PLXDC2: variants seen among roughly 807,000 people sequenced by gnomAD.
PLXDC2 encodes plexin domain containing 2.
A neutral mutation model predicts 68.9 loss-of-function variants in PLXDC2; 40 were observed. The ratio of observed to expected loss-of-function variants is 0.58; its 90% confidence interval spans 0.45 to 0.76. The LOEUF (loss-of-function observed/expected upper bound fraction) is 0.76. PLXDC2 is among the 30% of genes least tolerant of loss of function. The pLI, the probability that PLXDC2 is intolerant of heterozygous loss-of-function variation, is 0.00. For synonymous variants in PLXDC2, 243 were observed against 234.2 expected (o/e 1.04, Z -0.34); for missense variants, 644 against 661.9 (o/e 0.97, Z 0.30).
At chr10:19,869,467 A>AG (rs1837490099) in intron 1 of PLXDC2, among the ~76,000 whole-genome samples, 3 of 26,482 alleles carry the variant, frequency 1.1e-4, no homozygotes, top group African/African-American at 5.6e-4. Flanking sequence ...GAGAGAGAGA[A>AG]AGGGGGGGGG....
At chr10:19,948,393 T>TC (rs201212426) in intron 1 of PLXDC2, among the ~76,000 whole-genome samples, 27,434 of 70,532 alleles carry the variant, frequency 0.39, 3,177 homozygotes, top group South Asian at 0.5. Context: ...TTTCTTTCTT[T>TC]TTTTTTTTTT....
At position 20,254,609 on chromosome 10, in the gene PLXDC2, A is replaced by G. The variant is rs185906672; in HGVS notation, c.1473+9104A>G. On this transcript the variant is annotated intron_variant, in intron 13 of 13. Coordinates refer to ENST00000377252, the MANE Select transcript of PLXDC2 (RefSeq NM_032812.9). ...TTATATTTCTTAGCCGAAGAAAAAGATGGTATTCATTTTTTTATGGCCTGC... is the reference window on the plus strand; with the variant it reads ...TTATATTTCTTAGCCGAAGAAAAAGGTGGTATTCATTTTTTTATGGCCTGC... Among the ~76,000 whole-genome samples, 37 of 152,324 alleles carry G rather than the reference A, an allele frequency of 2.4e-4. No individual in the cohort carries two copies. In the East Asian group the frequency reaches 6.0e-3, roughly 25 times the overall value.
intron 9 of PLXDC2, among the ~76,000 whole-genome samples, chr10:20,208,624 T>A (rs1236951116): frequency 6.6e-6 from 1 of 152,190 alleles, no homozygotes; most frequent in Non-Finnish European, 1.5e-5. Flanking sequence ...GAAAAAGATA[T>A]TATGTATCAG....
chr10:20,252,335 T>C (rs1835687652), intron 13 of PLXDC2, among the ~76,000 whole-genome samples: 1 of 152,238 alleles, frequency 6.6e-6, no homozygotes, highest in Admixed American at 6.5e-5. Flanking sequence ...ATCTCATCAA[T>C]AATTTCTGTA....
chr10:19,870,784 A>T (rs1307644427), intron 1 of PLXDC2, among the ~76,000 whole-genome samples: 1 of 152,196 alleles, frequency 6.6e-6, no homozygotes, highest in Non-Finnish European at 1.5e-5. Flanking sequence ...TCTATGTAAC[A>T]CCTGTTTGGT....
intron 2 of PLXDC2, among the ~76,000 whole-genome samples, chr10:20,044,450 C>A (rs1449256731): frequency 6.6e-6 from 1 of 151,668 alleles, no homozygotes; most frequent in Non-Finnish European, 1.5e-5. Flanking sequence ...GCTGGGATTA[C>A]AGGCATCTGC....
At chr10:19,849,433 C>T (rs1025912078) in intron 1 of PLXDC2, among the ~76,000 whole-genome samples, 1 of 152,144 alleles carries the variant, frequency 6.6e-6, no homozygotes, top group Non-Finnish European at 1.5e-5. Context: ...ACCCGAATCT[C>T]ATCTTGAATC....
intron 12 of PLXDC2, among the ~76,000 whole-genome samples, chr10:20,243,743 T>C (rs1211987577): frequency 1.3e-5 from 2 of 151,934 alleles, no homozygotes; most frequent in Admixed American, 6.6e-5. Flanking sequence ...ATGGTAAAAA[T>C]AACGAAGAGG....
At chr10:20,136,025 T>C (rs1036789997) in intron 4 of PLXDC2, among the ~76,000 whole-genome samples, 3 of 152,162 alleles carry the variant, frequency 2.0e-5, no homozygotes, top group African/African-American at 4.8e-5. Flanking sequence ...CTGGTTGGAA[T>C]TATAAAGGGA....
In PLXDC2 at chr10:20,288,969, G is replaced by A. The variant is rs1588563496; in HGVS notation, c.*9150G>A. ...TCAACAAATTTGGGATTTTAGAAGG[G>A]GGAGGAGGGAGCTATTTGTGTAAGA... On this transcript the variant is annotated 3_prime_UTR_variant, in exon 14 of 14. Transcript: ENST00000377252. 1 of 152,278 alleles carries A rather than the reference G, an allele frequency of 6.6e-6. No individual in the cohort carries two copies. Among genetic ancestry groups the A allele is most frequent in the East Asian group, 1.9e-4 (1 of 5,188 alleles). The allele number at this position is 152,278 out of a possible 1,614,324, so 9.4% of individuals were successfully genotyped here. A position where few individuals can be genotyped will look rare whatever the true frequency, so the allele number is the denominator to read the frequency against.
intron 2 of PLXDC2, among the ~76,000 whole-genome samples, chr10:20,013,685 C>T (rs1325931855): frequency 6.6e-6 from 1 of 151,972 alleles, no homozygotes; most frequent in Non-Finnish European, 1.5e-5. Flanking sequence ...CCAAACCTTC[C>T]CAAAGAACTG....
At chr10:19,937,888 G>A (rs1833754896) in intron 1 of PLXDC2, among the ~76,000 whole-genome samples, 1 of 152,004 alleles carries the variant, frequency 6.6e-6, no homozygotes, top group African/African-American at 2.4e-5. Flanking sequence ...ACACCTTTAG[G>A]AGAACTCGTA....
chr10:19,974,159 A>G (rs73603686), intron 1 of PLXDC2, among the ~76,000 whole-genome samples: 3,548 of 152,348 alleles, frequency 0.023, 147 homozygotes, highest in African/African-American at 0.081. Flanking sequence ...TTGAAAAGCT[A>G]GAGAAAGACT....
At chr10:19,849,557 C>T (rs2131324973) in intron 1 of PLXDC2, among the ~76,000 whole-genome samples, 1 of 152,130 alleles carries the variant, frequency 6.6e-6, no homozygotes, top group South Asian at 2.1e-4. Flanking sequence ...GATCTGATGG[C>T]TTTATAGTGG....
intron 1 of PLXDC2, among the ~76,000 whole-genome samples, chr10:19,941,668 A>G (rs1172558574): frequency 6.6e-6 from 1 of 152,190 alleles, no homozygotes; most frequent in African/African-American, 2.4e-5. Flanking sequence ...AGATCTTTAC[A>G]GAAGGGAGAA....
At chr10:19,897,353 C>T (rs1395160316) in intron 1 of PLXDC2, among the ~76,000 whole-genome samples, 1 of 152,090 alleles carries the variant, frequency 6.6e-6, no homozygotes, top group Admixed American at 6.5e-5. Context: ...AATTCTCCTG[C>T]CTCAGCCTCC....
intron 3 of PLXDC2, among the ~76,000 whole-genome samples, chr10:20,066,802 A>C (rs762910759): frequency 2.0e-5 from 3 of 152,218 alleles, no homozygotes; most frequent in Non-Finnish European, 4.4e-5. Flanking sequence ...AAAAAGCTAA[A>C]TTCAATCTAG....
At chr10:19,925,452 T>C (rs1833525406) in intron 1 of PLXDC2, among the ~76,000 whole-genome samples, 1 of 152,258 alleles carries the variant, frequency 6.6e-6, no homozygotes, top group Non-Finnish European at 1.5e-5. Context: ...TAAAAATTTA[T>C]GTTTTTAGCA....
intron 3 of PLXDC2, among the ~76,000 whole-genome samples, chr10:20,062,670 A>G (rs1209378669): frequency 1.3e-5 from 2 of 152,254 alleles, no homozygotes; most frequent in Admixed American, 6.5e-5. Context: ...CAAGACAACA[A>G]TAATCTATTC....
Sources: gnomAD v4.1 joint callset for allele counts (sites outside exome capture counted in the v4.1 genomes callset) on GRCh38, gnomAD v4.1.1 for gene constraint, MANE v1.5 for transcripts, NCBI Gene and HGNC (gene_info 2026-07-23, HGNC 2026-07-21) for gene names.